Variants in COL21A1 observed in about 807,000 individuals in gnomAD.
The protein encoded by COL21A1 is collagen type XXI alpha 1 chain.
COL21A1 carries 149 observed loss-of-function variants against 137.9 expected under a neutral mutation model. That is an observed-to-expected ratio of 1.08 (90% CI 0.95 to 1.24). COL21A1 has a LOEUF of 1.24. Ranked by LOEUF, COL21A1 falls within the 50% of genes most tolerant of loss-of-function variation. The pLI, the probability that COL21A1 is intolerant of heterozygous loss-of-function variation, is 0.00. For synonymous variants in COL21A1, 456 were observed against 391.5 expected, an observed-to-expected ratio of 1.16 and a Z score of -1.95; for missense variants, 1,167 against 1,158.4, an observed-to-expected ratio of 1.01 and a Z score of -0.11.
At chr6:56,229,987 C>T (rs1781452223) in intron 1 of COL21A1, among the ~76,000 whole-genome samples, 1 of 151,626 alleles carries the variant, frequency 6.6e-6, no homozygotes, top group Non-Finnish European at 1.5e-5. Context: ...TGGTCTATGA[C>T]CAACAGTGTT....
At chr6:56,359,510 TTC>T (rs1765918186) in intron 1 of COL21A1, among the ~76,000 whole-genome samples, 1 of 152,220 alleles carries the variant, frequency 6.6e-6, no homozygotes. Flanking sequence ...TTGGGTTTTT[TTC>T]TGTTTATGTC....
intron 1 of COL21A1, among the ~76,000 whole-genome samples, chr6:56,264,859 C>T (rs931579828): frequency 3.9e-5 from 6 of 152,182 alleles, no homozygotes; most frequent in Admixed American, 3.9e-4. Flanking sequence ...CTAAGTCCAA[C>T]GTACTGAAGT....
intron 1 of COL21A1, among the ~76,000 whole-genome samples, chr6:56,393,811 G>A (rs758314451): frequency 6.6e-5 from 10 of 152,122 alleles, no homozygotes; most frequent in Non-Finnish European, 5.9e-5. Flanking sequence ...TCCTACTGGC[G>A]GACCTGGCAA....
At chr6:56,176,591 A>G (rs1777486656) in intron 3 of COL21A1, among the ~76,000 whole-genome samples, 4 of 90,186 alleles carry the variant, frequency 4.4e-5, no homozygotes, top group East Asian at 3.5e-4. Flanking sequence ...TAGGCTGGCC[A>G]TTACCAAAAA....
chr6:56,343,229 A>G (rs1582794637), intron 1 of COL21A1, among the ~76,000 whole-genome samples: 1 of 152,158 alleles, frequency 6.6e-6, no homozygotes, highest in South Asian at 2.1e-4. Context: ...AAATGTCTGT[A>G]TCTGGTCTTT....
chr6:56,342,099 T>G (rs2079537508), intron 1 of COL21A1, among the ~76,000 whole-genome samples: 1 of 152,194 alleles, frequency 6.6e-6, no homozygotes, highest in Non-Finnish European at 1.5e-5. Context: ...AAGTTTGTAT[T>G]TGGTGCTGGT....
intron 9 of COL21A1, among the ~76,000 whole-genome samples, chr6:56,159,395 T>C (rs965818453): frequency 6.7e-6 from 1 of 149,364 alleles, no homozygotes; most frequent in Non-Finnish European, 1.5e-5. Context: ...TGCAATAGCA[T>C]GATCCTGGCT....
chr6:56,373,335 C>T (rs1002783932), intron 1 of COL21A1, among the ~76,000 whole-genome samples: 12 of 152,238 alleles, frequency 7.9e-5, no homozygotes, highest in Non-Finnish European at 2.9e-5. Context: ...GGTGCAGTGG[C>T]TCATGCCTGT....
intron 1 of COL21A1, among the ~76,000 whole-genome samples, chr6:56,302,602 A>T (rs999570595): frequency 9.9e-5 from 15 of 151,872 alleles, no homozygotes; most frequent in African/African-American, 1.7e-4. Context: ...TAAATTTGTT[A>T]GAGTTCATTG....
intron 1 of COL21A1, among the ~76,000 whole-genome samples, chr6:56,210,325 G>A (rs1398502962): frequency 6.6e-6 from 1 of 151,986 alleles, no homozygotes; most frequent in Non-Finnish European, 1.5e-5. Context: ...AAGAAAACAC[G>A]ATGGGTCACC....
intron 17 of COL21A1, among the ~76,000 whole-genome samples, chr6:56,098,635 A>G (rs1400914106): frequency 3.4e-5 from 2 of 58,364 alleles, no homozygotes; most frequent in South Asian, 5.4e-4. Flanking sequence ...AAATATATAT[A>G]TAAATATATA....
intron 2 of COL21A1, among the ~76,000 whole-genome samples, chr6:56,181,672 A>G (rs1227727132): frequency 6.6e-6 from 1 of 152,176 alleles, no homozygotes; most frequent in Non-Finnish European, 1.5e-5. Context: ...CCCTAGACAT[A>G]ATATCCATCC....
intron 3 of COL21A1, 112 bp downstream of exon 3, chr6:56,179,466 T>C (rs1428886461): frequency 2.8e-6 from 2 of 722,294 alleles, no homozygotes; most frequent in Non-Finnish European, 2.2e-6. Flanking sequence ...AACATTATAA[T>C]TGACATTAAA....
At chr6:56,224,977 T>C (rs983790313) in intron 1 of COL21A1, among the ~76,000 whole-genome samples, 6 of 151,890 alleles carry the variant, frequency 4.0e-5, no homozygotes, top group Non-Finnish European at 8.8e-5. Flanking sequence ...GCAGTGTAAA[T>C]TGTAACATAA....
intron 1 of COL21A1, among the ~76,000 whole-genome samples, chr6:56,377,273 G>A (rs1447737257): frequency 6.6e-6 from 1 of 152,044 alleles, no homozygotes; most frequent in Non-Finnish European, 1.5e-5. Context: ...ACAGGCGTGA[G>A]CCACCGCGCC....
intron 29 of COL21A1, among the ~76,000 whole-genome samples, chr6:56,058,314 T>C (rs1345001950): frequency 6.6e-6 from 1 of 152,162 alleles, no homozygotes; most frequent in Non-Finnish European, 1.5e-5. Context: ...TCTTATTACT[T>C]TAGTATTATA....
chr6:56,285,059 T>C (rs4715605), intron 1 of COL21A1, among the ~76,000 whole-genome samples: 130,809 of 152,128 alleles, frequency 0.86, 56,330 homozygotes, highest in East Asian at 0.91. Flanking sequence ...ATTTTGGTGT[T>C]TATGTCCCCA....
intron 1 of COL21A1, among the ~76,000 whole-genome samples, chr6:56,260,848 CTGTGTG>C (rs70986790): frequency 1.1e-4 from 15 of 135,284 alleles, no homozygotes; most frequent in African/African-American, 2.7e-4. Flanking sequence ...CTTTAATTCA[CTGTGTG>C]TGTGTGTGTG....
chr6:56,271,328 C>A (rs1266787764), intron 1 of COL21A1, among the ~76,000 whole-genome samples: 6 of 152,106 alleles, frequency 3.9e-5, no homozygotes, highest in African/African-American at 1.4e-4. Flanking sequence ...GGGTATCTGG[C>A]AAAGAAATTT....
Sources: gnomAD v4.1 joint callset for allele counts (sites outside exome capture counted in the v4.1 genomes callset) on GRCh38, gnomAD v4.1.1 for gene constraint, MANE v1.5 for transcripts, NCBI Gene and HGNC (gene_info 2026-07-23, HGNC 2026-07-21) for gene names.